Variants in USP9X observed in about 807,000 individuals in gnomAD.
USP9X encodes ubiquitin carboxyl-terminal hydrolase 9X.
USP9X carries 7 observed loss-of-function variants against 190.3 expected under a neutral mutation model. The ratio of observed to expected loss-of-function variants is 0.04; its 90% CI spans 0.02 to 0.07. The LOEUF is 0.07. Among genes scored for constraint, USP9X ranks in the 10% least tolerant of loss-of-function variants. USP9X has a pLI of 1.00. For synonymous variants in USP9X, 645 were observed against 659.5 expected (o/e 0.98, Z 0.34); for missense variants, 1,010 against 1,916.9 (o/e 0.53, Z 8.83).
intron 1 of USP9X, among the ~76,000 whole-genome samples, chrX:41,086,881 C>T (rs1214753429): frequency 8.9e-6 from 1 of 112,560 alleles, no homozygotes; most frequent in Non-Finnish European, 1.9e-5. Context: ...ATTCTTGTGA[C>T]GTGAGGCTTA....
intron 1 of USP9X, among the ~76,000 whole-genome samples, chrX:41,093,106 A>G (rs1003790193): frequency 1.8e-5 from 2 of 110,913 alleles, no homozygotes; most frequent in South Asian, 3.7e-4. Flanking sequence ...GCCTCAAGCA[A>G]TCCTCCTGTT....
chrX:41,160,936 G>A (rs898056331), intron 14 of USP9X, among the ~76,000 whole-genome samples: 23 of 111,338 alleles, frequency 2.1e-4, no homozygotes, highest in African/African-American at 7.5e-4. Flanking sequence ...GTGCTCCTCC[G>A]AGGGGGTGGA....
chrX:41,181,399 G>A (rs1371364946), intron 21 of USP9X, among the ~76,000 whole-genome samples: 3 of 88,949 alleles, frequency 3.4e-5, no homozygotes, highest in Admixed American at 2.6e-4. Context: ...CTGCCTAAGA[G>A]TAGCTAGGAC....
Position 41,197,352 on chromosome X carries a change from C to CCCCCAGGG in USP9X, c.4234-12_4234-11insCCCCAGGG. The CCCCCAGGG allele has an allele frequency of 2.0e-6, 2 of 988,190 alleles. No individual in the cohort carries two copies. Among genetic ancestry groups the CCCCCAGGG allele is most frequent in the Non-Finnish European group, 2.6e-6 (2 of 759,362 alleles). 81.4% of individuals were successfully genotyped at this position (988,190 alleles called of 1,213,427 possible). A position where few individuals can be genotyped will look rare whatever the true frequency, so the allele number is the denominator to read the frequency against. ...TTCTTCCCCCCCCCACCCCACCCCCCGCCTTTGGCAGGATGATGTTAAAAG... is the reference window on the plus strand; with the variant it reads ...TTCTTCCCCCCCCCACCCCACCCCCCCCCCAGGGGCCTTTGGCAGGATGATGTTAAAAG... On this transcript the variant is annotated splice_polypyrimidine_tract_variant and intron_variant, in intron 28 of 44. Transcript: ENST00000378308.
chrX:41,105,993 TG>T (rs1454151878), intron 1 of USP9X, among the ~76,000 whole-genome samples: 1 of 112,359 alleles, frequency 8.9e-6, no homozygotes, highest in African/African-American at 3.2e-5. Flanking sequence ...ATTATTGAGT[TG>T]TATGAATTCT....
At chrX:41,163,157 C>T (rs2062648115) in intron 15 of USP9X, among the ~76,000 whole-genome samples, 1 of 111,401 alleles carries the variant, frequency 9.0e-6, no homozygotes, top group African/African-American at 3.3e-5. Flanking sequence ...GGCAAATTCC[C>T]ATATTTTGAC....
intron 31 of USP9X, among the ~76,000 whole-genome samples, chrX:41,202,272 T>C (rs2063050081): frequency 8.9e-6 from 1 of 111,924 alleles, no homozygotes; most frequent in South Asian, 3.7e-4. Flanking sequence ...AAATTTAGGC[T>C]GCCTACTGAG....
intron 26 of USP9X, among the ~76,000 whole-genome samples, chrX:41,192,077 T>G (rs1243811306): frequency 1.8e-5 from 2 of 111,860 alleles, no homozygotes; most frequent in Non-Finnish European, 3.8e-5. Context: ...TTCCCACCTG[T>G]AGTGTTGTAC....
At chrX:41,102,912 C>G (rs947467881) in intron 1 of USP9X, among the ~76,000 whole-genome samples, 3 of 111,058 alleles carry the variant, frequency 2.7e-5, no homozygotes, top group Non-Finnish European at 5.7e-5. Flanking sequence ...CCTGCTTCAA[C>G]TTCCCTAGTA....
intron 37 of USP9X, 88 bp downstream of exon 37, chrX:41,218,685 C>A: frequency 2.3e-6 from 2 of 856,134 alleles, no homozygotes; most frequent in South Asian, 4.6e-5. Flanking sequence ...ATATGTGCAT[C>A]CACTTGATAT....
At chrX:41,123,999 C>T (rs1302845388) in intron 2 of USP9X, among the ~76,000 whole-genome samples, 34 of 110,083 alleles carry the variant, frequency 3.1e-4, no homozygotes, top group Non-Finnish European at 5.7e-4. Flanking sequence ...GCTGAGATGG[C>T]GCCACCGTAC....
chrX:41,092,557 CCA>C (rs2061962244), intron 1 of USP9X, among the ~76,000 whole-genome samples: 2 of 111,268 alleles, frequency 1.8e-5, no homozygotes, highest in Non-Finnish European at 3.8e-5. Context: ...CTGTAAAGGG[CCA>C]CATAGTAAAT....
At chrX:41,169,703 G>C (rs773216926) in intron 18 of USP9X, among the ~76,000 whole-genome samples, 1 of 110,588 alleles carries the variant, frequency 9.0e-6, no homozygotes, top group Admixed American at 9.6e-5. Context: ...TGATCCACCC[G>C]CCTCGGCCTC....
chrX:41,209,488 G>A (rs1399569911), intron 32 of USP9X, among the ~76,000 whole-genome samples: 1 of 111,315 alleles, frequency 9.0e-6, no homozygotes, highest in African/African-American at 3.3e-5. Flanking sequence ...GTATTGGGAG[G>A]CATGTGTTAT....
At chrX:41,140,401 T>TA (rs1224097232) in intron 6 of USP9X, among the ~76,000 whole-genome samples, 1 of 111,715 alleles carries the variant, frequency 9.0e-6, no homozygotes, top group East Asian at 2.8e-4. Flanking sequence ...GCATGTCTTC[T>TA]AATTCCTGTT....
Position 41,224,848 on chromosome X carries a change from G to A in USP9X, c.6858G>A (p.Val2286=). The A allele has an allele frequency of 8.3e-7, 1 of 1,211,839 alleles. No homozygotes were observed. Among genetic ancestry groups the A allele is most frequent in the South Asian group, 1.8e-5 (1 of 57,025 alleles). Residue 2286 remains valine, a synonymous_variant, in exon 40 of 45, where the codon GTG becomes GTA. Coordinates refer to ENST00000378308, the MANE Select transcript of USP9X (RefSeq NM_001039591.3). Reference sequence around the variant, plus strand: ...TTTTATTTGTGAGAACAAGTTATGTGAAGAAAATCATTGAAGACTGCAGTA... The same window carrying A: ...TTTTATTTGTGAGAACAAGTTATGTAAAGAAAATCATTGAAGACTGCAGTA... ...ADILFVRTSY[V]KKIIEDCSNS...
chrX:41,223,446 G>T, intron 39 of USP9X, 44 bp downstream of exon 39: 1 of 1,182,357 alleles, frequency 8.5e-7, no homozygotes, highest in Non-Finnish European at 1.1e-6. Flanking sequence ...TTGTTTGTTT[G>T]TTTGTTTTGA....
chrX:41,217,171 TG>T (rs1427825005), intron 35 of USP9X, 48 bp from the exon 36 acceptor site: 2 of 1,147,950 alleles, frequency 1.7e-6, no homozygotes, highest in Non-Finnish European at 2.3e-6. Flanking sequence ...TGTTTGAAAA[TG>T]GGGTTGGAAA....
At chrX:41,114,486 C>CT (rs1162608288) in intron 1 of USP9X, among the ~76,000 whole-genome samples, 3,701 of 97,543 alleles carry the variant, frequency 0.038, 184 homozygotes, top group African/African-American at 0.12. Context: ...TTTCCCTTTT[C>CT]TTTTTTTTTT....
Sources: gnomAD v4.1 joint callset for allele counts (sites outside exome capture counted in the v4.1 genomes callset) on GRCh38, gnomAD v4.1.1 for gene constraint, MANE v1.5 for transcripts, NCBI Gene and HGNC (gene_info 2026-07-23, HGNC 2026-07-21) for gene names.